TENM4: variants seen among roughly 807,000 people sequenced by gnomAD.
TENM4 encodes the protein teneurin-4.
TENM4 carries 82 observed loss-of-function variants against 243.3 expected under a neutral mutation model. That is an observed-to-expected ratio of 0.34 (90% CI 0.28 to 0.40). The LOEUF is 0.40. Among genes scored for constraint, TENM4 ranks in the 10% least tolerant of loss-of-function variants. TENM4 has a pLI of 1.00. For synonymous variants in TENM4, 1,412 were observed against 1,456.3 expected (o/e 0.97, Z 0.69); for missense variants, 3,138 against 3,673.3 (o/e 0.85, Z 3.77).
intron 6 of TENM4, among the ~76,000 whole-genome samples, chr11:78,933,234 A>T (rs1437403302): frequency 6.6e-6 from 1 of 152,124 alleles, no homozygotes; most frequent in Non-Finnish European, 1.5e-5. Flanking sequence ...GGAGGGGATA[A>T]TATCTCCTCT....
intron 1 of TENM4, among the ~76,000 whole-genome samples, chr11:79,389,976 T>C (rs1406476339): frequency 1.3e-5 from 2 of 152,038 alleles, no homozygotes; most frequent in East Asian, 1.9e-4. Context: ...AAAAGTAACA[T>C]GGTGGGTTTT....
rs2135600724 is a variant in TENM4 at position 78,654,517 on chromosome 11, T to C, written c.*3541A>G. 1.3e-5 allele frequency: 2 copies of C among 152,372 alleles called. 1 individual carries two copies. The highest frequency in any genetic ancestry group is 4.1e-4 in the South Asian group (2 of 4,830). The allele number at this position is 152,372 out of a possible 1,614,324, so 9.4% of individuals were successfully genotyped here. ...TCTTCTTTTTTCAAATTCTGATTCT[T>C]TGTTCTGTGTCTACAAAACACTGCC... is the stretch of plus-strand genomic sequence containing the variant. On this transcript the variant is annotated 3_prime_UTR_variant, in exon 34 of 34. Transcript: ENST00000278550.
intron 3 of TENM4, among the ~76,000 whole-genome samples, chr11:79,181,483 C>T (rs1474722081): frequency 2.0e-5 from 3 of 152,090 alleles, no homozygotes; most frequent in Non-Finnish European, 2.9e-5. Context: ...ACTGGTAATA[C>T]ATTTAATGGA....
chr11:79,189,642 C>T (rs941094526), intron 3 of TENM4, among the ~76,000 whole-genome samples: 4 of 152,208 alleles, frequency 2.6e-5, no homozygotes, highest in African/African-American at 7.2e-5. Flanking sequence ...AGGTCTTAAT[C>T]GTCTTTTTAT....
intron 2 of TENM4, among the ~76,000 whole-genome samples, chr11:79,225,750 T>C (rs574522520): frequency 2.6e-5 from 4 of 152,316 alleles, no homozygotes; most frequent in Admixed American, 6.5e-5. Flanking sequence ...CCCAAAGTGC[T>C]AGGATTACAG....
At chr11:79,090,970 G>A (rs972866277) in intron 4 of TENM4, among the ~76,000 whole-genome samples, 6 of 152,210 alleles carry the variant, frequency 3.9e-5, no homozygotes, top group South Asian at 2.1e-4. Flanking sequence ...TTGTGGGGGA[G>A]TCAGGCTGGC....
intron 1 of TENM4, among the ~76,000 whole-genome samples, chr11:79,332,844 C>T (rs1857083972): frequency 6.6e-6 from 1 of 152,120 alleles, no homozygotes; most frequent in Non-Finnish European, 1.5e-5. Context: ...AGGGATCTCA[C>T]TCCTATGAGA....
intron 16 of TENM4, among the ~76,000 whole-genome samples, chr11:78,782,110 C>T (rs1856847895): frequency 6.6e-6 from 1 of 152,194 alleles, no homozygotes. Flanking sequence ...GATTTGTGGG[C>T]TCTTGGTTAA....
intron 6 of TENM4, among the ~76,000 whole-genome samples, chr11:78,934,400 G>C (rs1439954614): frequency 2.8e-5 from 3 of 105,304 alleles, no homozygotes; most frequent in African/African-American, 7.5e-5. Context: ...GGATTCTCAG[G>C]GAAACATGAA....
intron 1 of TENM4, among the ~76,000 whole-genome samples, chr11:79,300,509 C>T (rs1856533450): frequency 1.3e-5 from 2 of 152,190 alleles, no homozygotes; most frequent in Admixed American, 1.3e-4. Flanking sequence ...TATTGCTTAA[C>T]ATTTTAAAAA....
At chr11:79,314,143 C>T (rs1358928646) in intron 1 of TENM4, among the ~76,000 whole-genome samples, 1 of 152,112 alleles carries the variant, frequency 6.6e-6, no homozygotes, top group Admixed American at 6.5e-5. Context: ...AATGTGTGGC[C>T]TTGCAAGAGC....
chr11:79,300,625 A>T (rs886205740), intron 1 of TENM4, among the ~76,000 whole-genome samples: 2 of 152,316 alleles, frequency 1.3e-5, no homozygotes, highest in South Asian at 4.1e-4. Context: ...AGCATACTTT[A>T]AAAAATCTCT....
At chr11:79,385,391 C>T (rs571587) in intron 1 of TENM4, among the ~76,000 whole-genome samples, 77,100 of 151,952 alleles carry the variant, frequency 0.51, 19,669 homozygotes, top group East Asian at 0.56. Flanking sequence ...TATTTTAGAT[C>T]GGGAGATTTT....
intron 2 of TENM4, 65 bp from the exon 3 acceptor site, chr11:79,215,974 A>G: frequency 6.3e-6 from 3 of 474,200 alleles, no homozygotes; most frequent in Non-Finnish European, 8.3e-6. Flanking sequence ...CCTTTCTCAC[A>G]GACCCTCCGC....
intron 10 of TENM4, among the ~76,000 whole-genome samples, chr11:78,859,413 GTCC>G (rs1315403242): frequency 9.2e-5 from 14 of 152,180 alleles, no homozygotes; most frequent in African/African-American, 3.4e-4. Flanking sequence ...ACTGATAATA[GTCC>G]TTTGCTTTGT....
At chr11:78,957,615 T>G (rs1276767685) in intron 6 of TENM4, among the ~76,000 whole-genome samples, 1 of 152,224 alleles carries the variant, frequency 6.6e-6, no homozygotes, top group Non-Finnish European at 1.5e-5. Flanking sequence ...TAATCCCAGC[T>G]GCTTAAGACC....
At chr11:78,963,341 A>T (rs778362301) in intron 6 of TENM4, among the ~76,000 whole-genome samples, 1 of 152,216 alleles carries the variant, frequency 6.6e-6, no homozygotes, top group Non-Finnish European at 1.5e-5. Context: ...AGCTCAGACA[A>T]TTTGCAGTCT....
chr11:79,060,629 C>T (rs558727443), intron 6 of TENM4, among the ~76,000 whole-genome samples: 104 of 152,264 alleles, frequency 6.8e-4, no homozygotes, highest in Non-Finnish European at 9.6e-4. Flanking sequence ...GAGCTGAGGA[C>T]GCCTGCAGAC....
intron 4 of TENM4, among the ~76,000 whole-genome samples, chr11:79,082,581 G>A (rs559162650): frequency 5.8e-4 from 88 of 152,162 alleles, no homozygotes; most frequent in African/African-American, 1.9e-3. Flanking sequence ...GCACATATGT[G>A]TGCACCCATG....
Sources: allele counts gnomAD v4.1 joint callset (sites outside exome capture counted in the v4.1 genomes callset), GRCh38; gene constraint gnomAD v4.1.1; transcripts MANE v1.5; gene names NCBI Gene and HGNC (gene_info 2026-07-23, HGNC 2026-07-21).